VAV2: variants seen among roughly 807,000 people sequenced by gnomAD.
VAV2 encodes the protein guanine nucleotide exchange factor VAV2.
A neutral mutation model predicts 132.5 loss-of-function variants in VAV2; 67 were observed. The observed-to-expected ratio is 0.51, with a 90% confidence interval of 0.42 to 0.62. The LOEUF is 0.62. Ranked by LOEUF, VAV2 falls within the 20% of genes least tolerant of loss-of-function variation. VAV2 has a pLI of 0.00. For missense variants in VAV2, 938 were observed against 1,153.6 expected (o/e 0.81, Z 2.71); for synonymous variants, 492 against 443.5 (o/e 1.11, Z -1.37).
chr9:133,903,563 C>A (rs1032200250), intron 2 of VAV2, among the ~76,000 whole-genome samples: 1 of 152,180 alleles, frequency 6.6e-6, no homozygotes, highest in Non-Finnish European at 1.5e-5. Context: ...TGCACACAAG[C>A]CTTTTCTGGG....
chr9:133,832,117 A>G (rs1247759519), intron 4 of VAV2, among the ~76,000 whole-genome samples: 1 of 152,152 alleles, frequency 6.6e-6, no homozygotes, highest in Non-Finnish European at 1.5e-5. Context: ...GGACCAGGAG[A>G]GGACAGGAAG....
chr9:133,886,487 G>A (rs1375336178), intron 2 of VAV2, among the ~76,000 whole-genome samples: 1 of 152,182 alleles, frequency 6.6e-6, no homozygotes, highest in Non-Finnish European at 1.5e-5. Context: ...CTCTAACCTC[G>A]TCCCAGACAA....
intron 2 of VAV2, among the ~76,000 whole-genome samples, chr9:133,870,809 G>GTGGA (rs1163400782): frequency 6.8e-6 from 1 of 146,198 alleles, no homozygotes; most frequent in African/African-American, 2.5e-5. Flanking sequence ...GGGTGGGTGG[G>GTGGA]TGGATGGATG....
At position 133,833,049 on chromosome 9, in the gene VAV2, G is replaced by A. The variant is rs1836323375; in HGVS notation, c.449+1223C>T. Among the ~76,000 whole-genome samples, 1 of 152,154 alleles carries A rather than the reference G, an allele frequency of 6.6e-6. No individual in the cohort carries two copies. The highest frequency in any genetic ancestry group is 2.4e-5 in the African/African-American group (1 of 41,442). On this transcript the variant is annotated intron_variant, in intron 4 of 29. Transcript: ENST00000371850. The surrounding 1 kb of genome is among the most constrained non-coding windows in gnomAD (Gnocchi z 5.6). ...GAGGAGCTCTGGGAGTCTGGCCAGT[G>A]GGATTTGCCAAGGACCCCGTGGCCA...
chr9:133,850,448 C>T (rs887559746), intron 3 of VAV2, among the ~76,000 whole-genome samples: 50 of 152,146 alleles, frequency 3.3e-4, no homozygotes, highest in African/African-American at 1.2e-3. Flanking sequence ...CCCAGCAGAA[C>T]AAGGCACCAA....
At chr9:133,938,620 C>T (rs1414674115) in intron 2 of VAV2, among the ~76,000 whole-genome samples, 2 of 152,102 alleles carry the variant, frequency 1.3e-5, no homozygotes, top group African/African-American at 4.8e-5. Flanking sequence ...GAGTCAGAGA[C>T]AGTTCTGCTT....
chr9:133,967,525 T>C (rs577895607), intron 1 of VAV2, among the ~76,000 whole-genome samples: 40 of 152,272 alleles, frequency 2.6e-4, no homozygotes, highest in African/African-American at 9.6e-4. Flanking sequence ...ATGTGACATA[T>C]ATACACAATA....
At position 133,797,603 on chromosome 9, in the gene VAV2, C is replaced by A. The variant is rs1378754191; in HGVS notation, c.936+107G>T. ...AACCATTACGTCATCACCCCCATCA[C>A]CACCTTCCCAACAAATGGGCAAGAG... On this transcript the variant is annotated intron_variant, in intron 10 of 29. Transcript: ENST00000371850. 4.0e-6 allele frequency: 4 copies of A among 992,914 alleles called. No individual in the cohort carries two copies. In the African/African-American group the frequency reaches 4.9e-5, roughly 12 times the overall value. 61.5% of individuals were successfully genotyped at this position (992,914 alleles called of 1,614,324 possible).
rs112846820 is a variant in VAV2 at position 133,871,436 on chromosome 9, T to G, written c.322-10004A>C. ...TGGATGGATGGACAGATGGATGGAT[T>G]GATTGATGGATGGATGGATGGATGG... On this transcript the variant is annotated intron_variant, in intron 2 of 29. Transcript: ENST00000371850. 7.8e-3 allele frequency among the ~76,000 whole-genome samples: 1,057 copies of G among 135,228 alleles called. 10 individuals carry two copies. Among genetic ancestry groups the G allele is most frequent in the African/African-American group, 0.027 (964 of 35,688 alleles). The allele number at this position is 135,228 out of a possible 152,430, so 88.7% of individuals were successfully genotyped here. A position where few individuals can be genotyped will look rare whatever the true frequency, so the allele number is the denominator to read the frequency against.
In VAV2 at chr9:133,852,417, G is replaced by A. The variant is rs117714496; in HGVS notation, c.380+8957C>T. 9.5e-4 allele frequency among the ~76,000 whole-genome samples: 144 copies of A among 151,846 alleles called. 1 individual carries two copies. The East Asian group carries it at 0.025, about 27-fold the overall frequency. ...CAGAGCAGAAGGGTGGGGGGAGTGC[G>A]GGGATGGGAAGGAGGGAGTGAGAGG... is the stretch of plus-strand genomic sequence containing the variant. On this transcript the variant is annotated intron_variant, in intron 3 of 29. Coordinates refer to ENST00000371850, the MANE Select transcript of VAV2 (RefSeq NM_001134398.2).
intron 2 of VAV2, among the ~76,000 whole-genome samples, chr9:133,924,681 C>T (rs1449306324): frequency 1.3e-5 from 2 of 152,170 alleles, no homozygotes; most frequent in Admixed American, 1.3e-4. Flanking sequence ...CCTTCAGGGT[C>T]CAAGGGGCAA....
In VAV2 at chr9:133,940,672, CGTGTGTGTGTGTGT is replaced by C. The variant is rs60265901; in HGVS notation, c.205-1467_205-1454del. 7.0e-3 allele frequency among the ~76,000 whole-genome samples: 976 copies of C among 139,346 alleles called. 9 individuals are homozygous for C. Among genetic ancestry groups the C allele is most frequent in the African/African-American group, 0.023 (891 of 39,274 alleles). 91.4% of individuals were successfully genotyped at this position (139,346 alleles called of 152,430 possible). On this transcript the variant is annotated intron_variant, in intron 1 of 29. Coordinates refer to ENST00000371850, the MANE Select transcript of VAV2 (RefSeq NM_001134398.2). The stretch of plus-strand genomic sequence containing the variant: ...CCTAGAGTCCCTCTCTGTCCACGTG[CGTGTGTGTGTGTGT>C]GTGTGTGTGTGTGTGTGTGTGTTTC...
At chr9:133,797,992 C>T (rs1311483926) in intron 9 of VAV2, among the ~76,000 whole-genome samples, 183 bp from the exon 10 acceptor site, 1 of 152,212 alleles carries the variant, frequency 6.6e-6, no homozygotes, top group Non-Finnish European at 1.5e-5. Flanking sequence ...CCCGAAGCTA[C>T]CGGGCCGCAG....
At position 133,823,918 on chromosome 9, in the gene VAV2, G is replaced by A. The variant is rs556841570; in HGVS notation, c.449+10354C>T. Among the ~76,000 whole-genome samples, 9 of 152,272 alleles carry A rather than the reference G, an allele frequency of 5.9e-5. No homozygotes were observed. In the South Asian group the frequency reaches 1.9e-3, roughly 32 times the overall value. On this transcript the variant is annotated intron_variant, in intron 4 of 29. Transcript: ENST00000371850. The surrounding 1 kb of genome is among the most constrained non-coding windows in gnomAD (Gnocchi z 5.5). The stretch of plus-strand genomic sequence containing the variant: ...GGGTGGTCACGCGCACCTGCTCTGC[G>A]TGCGTCAGAGGGTTCCCCTGCGATC...
chr9:133,856,285 T>G (rs1837381744), intron 3 of VAV2, among the ~76,000 whole-genome samples: 1 of 152,218 alleles, frequency 6.6e-6, no homozygotes, highest in Non-Finnish European at 1.5e-5. Flanking sequence ...TTATGTGATA[T>G]GAATGTATTT....
intron 1 of VAV2, among the ~76,000 whole-genome samples, chr9:133,949,735 C>A (rs1841491409): frequency 6.6e-6 from 1 of 152,200 alleles, no homozygotes; most frequent in South Asian, 2.1e-4. Context: ...AGCTCAGACC[C>A]CAAACTCCAA....
In VAV2 at chr9:133,794,446, T is replaced by C. The variant is rs1472991345; in HGVS notation, c.1101+1222A>G. Among the ~76,000 whole-genome samples, 1 of 152,212 alleles carries C rather than the reference T, an allele frequency of 6.6e-6. No individual in the cohort carries two copies. The highest frequency in any genetic ancestry group is 1.5e-5 in the Non-Finnish European group (1 of 68,038). ...TAAATTTCTCCCCGAGCACAAGCCCTGCTCAGAGAACCTCTTAGCACCGGC... is the reference window on the plus strand; with the variant it reads ...TAAATTTCTCCCCGAGCACAAGCCCCGCTCAGAGAACCTCTTAGCACCGGC... On this transcript the variant is annotated intron_variant, in intron 12 of 29. Transcript: ENST00000371850. The surrounding 1 kb of genome is among the most constrained non-coding windows in gnomAD (Gnocchi z 4.6).
intron 1 of VAV2, among the ~76,000 whole-genome samples, chr9:133,950,570 T>G (rs934641763): frequency 1.1e-4 from 16 of 152,028 alleles, no homozygotes; most frequent in African/African-American, 3.9e-4. Context: ...AAACCAAAGG[T>G]TTTCTATAAA....
chr9:133,775,167 C>T (rs940646420), intron 24 of VAV2, 116 bp from the exon 25 acceptor site: 69 of 819,312 alleles, frequency 8.4e-5, no homozygotes, highest in Non-Finnish European at 1.2e-4. Context: ...CATCTGAGAG[C>T]TCATCTCCTA....
Sources: gnomAD v4.1 joint callset for allele counts (sites outside exome capture counted in the v4.1 genomes callset) on GRCh38, gnomAD v4.1.1 for gene constraint, Gnocchi (gnomAD v3.1) non-coding constraint, MANE v1.5 for transcripts, NCBI Gene and HGNC (gene_info 2026-07-23, HGNC 2026-07-21) for gene names.